The following DNAJC27 variants were observed in gnomAD, a reference collection of about 807,000 sequenced individuals.
The protein encoded by DNAJC27 is DnaJ heat shock protein family (Hsp40) member C27, also known as dnaJ homolog subfamily C member 27.
In DNAJC27, 25 loss-of-function variants were observed where a neutral mutation model predicts 31.4. That is an observed-to-expected ratio of 0.80 (90% CI 0.58 to 1.11). The LOEUF (loss-of-function observed/expected upper bound fraction) is 1.11, where lower values mean the gene tolerates loss of function less well. Among genes scored for constraint, DNAJC27 ranks in the 50% most tolerant of loss-of-function variants. The pLI is 0.00. For synonymous variants in DNAJC27, 106 were observed against 112.7 expected, an observed-to-expected ratio of 0.94 and a Z score of 0.37; for missense variants, 356 against 347.3, an observed-to-expected ratio of 1.02 and a Z score of -0.20.
Position 24,969,277 on chromosome 2 carries a change from T to C in DNAJC27, c.88-1984A>G, listed in dbSNP as rs1036490823. On this transcript the variant is annotated intron_variant, in intron 1 of 6. Coordinates refer to ENST00000264711, the MANE Select transcript of DNAJC27 (RefSeq NM_016544.3). ...TTAACTTCCAATACCAAACACAAAC[T>C]GGAGAACGTGATGATGTCAAGGCTC... 12 of 166,136 alleles carry C rather than the reference T, an allele frequency of 7.2e-5. No individual in the cohort carries two copies. In the Admixed American group the frequency reaches 7.5e-4, roughly 10 times the overall value. The allele number at this position is 166,136 out of a possible 1,614,324, so 10.3% of individuals were successfully genotyped here. A position where few individuals can be genotyped will look rare whatever the true frequency, so the allele number is the denominator to read the frequency against.
At chr2:24,965,728 C>T (rs1666165350) in intron 2 of DNAJC27, among the ~76,000 whole-genome samples, 1 of 152,178 alleles carries the variant, frequency 6.6e-6, no homozygotes, top group Non-Finnish European at 1.5e-5. Context: ...ACTGGGGCCA[C>T]TTTAAAAAGC....
intron 6 of DNAJC27, 100 bp from the exon 7 acceptor site, chr2:24,947,848 T>C (rs1665683899): frequency 2.3e-6 from 3 of 1,322,134 alleles, no homozygotes; most frequent in Non-Finnish European, 3.1e-6. Context: ...AGTGAACATA[T>C]CCTAAATTAT....
At chr2:24,952,396 A>T (rs547705171) in intron 5 of DNAJC27, among the ~76,000 whole-genome samples, 7 of 152,206 alleles carry the variant, frequency 4.6e-5, no homozygotes, top group Non-Finnish European at 5.9e-5. Context: ...GCATCCTGGA[A>T]TCTTTCTATA....
chr2:24,957,681 A>T, intron 4 of DNAJC27, 129 bp downstream of exon 4: 1 of 885,664 alleles, frequency 1.1e-6, no homozygotes, highest in Non-Finnish European at 1.7e-6. Flanking sequence ...TCTTAGGGAC[A>T]TTATGTTTTG....
intron 5 of DNAJC27, among the ~76,000 whole-genome samples, chr2:24,955,646 CAAAGA>C (rs1665887947): frequency 6.6e-6 from 1 of 151,998 alleles, no homozygotes; most frequent in African/African-American, 2.4e-5. Flanking sequence ...TGCTGAAAAC[CAAAGA>C]AAAGAGAAAC....
At chr2:24,968,934 A>C (rs1476407015) in intron 1 of DNAJC27, 2 of 163,314 alleles carry the variant, frequency 1.2e-5, no homozygotes, top group South Asian at 1.7e-4. Context: ...AATTTATATG[A>C]CCAGGACAGA....
chr2:24,964,222 C>T (rs1666121323), intron 2 of DNAJC27, among the ~76,000 whole-genome samples: 1 of 151,872 alleles, frequency 6.6e-6, no homozygotes, highest in African/African-American at 2.4e-5. Flanking sequence ...AGATCGAGAC[C>T]ATCCTGGCTA....
intron 1 of DNAJC27, among the ~76,000 whole-genome samples, chr2:24,970,693 G>A (rs1334262245): frequency 6.6e-6 from 1 of 151,414 alleles, no homozygotes; most frequent in Non-Finnish European, 1.5e-5. Context: ...GACCTCAAGT[G>A]ATCCGCCCGC....
intron 2 of DNAJC27, among the ~76,000 whole-genome samples, chr2:24,965,109 G>A (rs183429432): frequency 1.3e-3 from 201 of 151,946 alleles, no homozygotes; most frequent in African/African-American, 4.7e-3. Context: ...GGGAGGCTGA[G>A]GCAGGAGAAT....
intron 3 of DNAJC27, among the ~76,000 whole-genome samples, chr2:24,960,871 A>G (rs984894749): frequency 2.0e-5 from 3 of 152,280 alleles, no homozygotes; most frequent in Non-Finnish European, 2.9e-5. Context: ...AAAGGGCAAC[A>G]TGAAGCAGCA....
Position 24,971,938 on chromosome 2 carries a change from C to T in DNAJC27, c.-34G>A. On this transcript the variant is annotated 5_prime_UTR_variant, in exon 1 of 7. Coordinates refer to ENST00000264711, the MANE Select transcript of DNAJC27 (RefSeq NM_016544.3). ...CTCTCTCGGGGCCACCCGCCTCGGT[C>T]TCTTCTTGTGCACCGCTGGCCCGTC... is the stretch of plus-strand genomic sequence containing the variant. The T allele has an allele frequency of 6.5e-7, 1 of 1,530,296 alleles. No homozygotes were observed. Among genetic ancestry groups the T allele is most frequent in the Non-Finnish European group, 8.8e-7 (1 of 1,134,696 alleles). The allele number at this position is 1,530,296 out of a possible 1,614,324, so 94.8% of individuals were successfully genotyped here.
rs527836195 is a variant in DNAJC27, at chr2:24,966,794, A to G, written c.170+417T>C. Among the ~76,000 whole-genome samples the G allele has an allele frequency of 1.2e-4, 18 of 152,290 alleles. No homozygotes were observed. In the South Asian group the frequency reaches 3.7e-3, roughly 32 times the overall value. Reference sequence around the variant, plus strand: ...ATTCTAATAGCTATGAAGATCATAAACCAATAAAAAAACTTCTCTGGTAGA... The same window carrying G: ...ATTCTAATAGCTATGAAGATCATAAGCCAATAAAAAAACTTCTCTGGTAGA... On this transcript the variant is annotated intron_variant, in intron 2 of 6. Coordinates refer to ENST00000264711, the MANE Select transcript of DNAJC27 (RefSeq NM_016544.3).
At chr2:24,956,478 T>C (rs1450478732) in intron 5 of DNAJC27, among the ~76,000 whole-genome samples, 1 of 152,204 alleles carries the variant, frequency 6.6e-6, no homozygotes, top group African/African-American at 2.4e-5. Flanking sequence ...TATGTGTGAC[T>C]GGATGGAGTC....
chr2:24,960,237 A>G (rs1480344078), intron 3 of DNAJC27, among the ~76,000 whole-genome samples: 2 of 152,320 alleles, frequency 1.3e-5, no homozygotes, highest in East Asian at 3.9e-4. Context: ...ATCTGTTACT[A>G]TTTTAAGTGT....
chr2:24,950,007 CAAAT>C (rs1439297105), intron 6 of DNAJC27, among the ~76,000 whole-genome samples: 3 of 136,056 alleles, frequency 2.2e-5, no homozygotes, highest in African/African-American at 8.2e-5. Context: ...CCTTAATAGT[CAAAT>C]AATCTTGAAA....
chr2:24,945,639 G>A lies in DNAJC27; in HGVS notation c.*1977C>T, dbSNP rs1665630760. Reference sequence around the variant, plus strand: ...CTTCCTTAAGCAAAATTTAGGTCCCGAAGAACTCTGGGTTGGAGTTCTGTA... The same window carrying A: ...CTTCCTTAAGCAAAATTTAGGTCCCAAAGAACTCTGGGTTGGAGTTCTGTA... On this transcript the variant is annotated 3_prime_UTR_variant, in exon 7 of 7. Transcript: ENST00000264711. The A allele has an allele frequency of 2.0e-5, 3 of 152,226 alleles. No individual in the cohort carries two copies. The highest frequency in any genetic ancestry group is 2.9e-5 in the Non-Finnish European group (2 of 68,050). 9.4% of individuals were successfully genotyped at this position (152,226 alleles called of 1,614,324 possible).
intron 1 of DNAJC27, among the ~76,000 whole-genome samples, chr2:24,970,124 G>GT (rs2149133318): frequency 6.6e-6 from 1 of 152,196 alleles, no homozygotes; most frequent in African/African-American, 2.4e-5. Context: ...TATTTTTGTT[G>GT]TAACTGTAAA....
rs574626700 is a variant in DNAJC27 at position 24,945,943 on chromosome 2, G to C, written c.*1673C>G. 3.9e-5 allele frequency: 6 copies of C among 152,242 alleles called. No individual in the cohort carries two copies. Among genetic ancestry groups the C allele is most frequent in the Non-Finnish European group, 7.4e-5 (5 of 68,016 alleles). 9.4% of individuals were successfully genotyped at this position (152,242 alleles called of 1,614,324 possible). A position where few individuals can be genotyped will look rare whatever the true frequency, so the allele number is the denominator to read the frequency against. On this transcript the variant is annotated 3_prime_UTR_variant, in exon 7 of 7. Coordinates refer to ENST00000264711, the MANE Select transcript of DNAJC27 (RefSeq NM_016544.3). ...AGATGCTCTTTGGCAATCGATATGG[G>C]ATAGCTTTTTAAAATTCACAGGACA...
rs182614057 is a variant in DNAJC27 at position 24,962,278 on chromosome 2, T to C, written c.240+1127A>G. 7.9e-5 allele frequency among the ~76,000 whole-genome samples: 12 copies of C among 152,196 alleles called. No homozygotes were observed. In the East Asian group the frequency reaches 2.1e-3, roughly 27 times the overall value. On this transcript the variant is annotated intron_variant, in intron 3 of 6. Coordinates refer to ENST00000264711, the MANE Select transcript of DNAJC27 (RefSeq NM_016544.3). ...TTTTTGAATAACACACTCTCTTTTTTGAGATGGAGTTTCACTCTTTCACCC... is the reference window on the plus strand; with the variant it reads ...TTTTTGAATAACACACTCTCTTTTTCGAGATGGAGTTTCACTCTTTCACCC...
Sources: gnomAD v4.1 joint callset for allele counts (sites outside exome capture counted in the v4.1 genomes callset) on GRCh38, gnomAD v4.1.1 for gene constraint, MANE v1.5 for transcripts, NCBI Gene and HGNC (gene_info 2026-07-23, HGNC 2026-07-21) for gene names.